The following DENND4C variants were observed in gnomAD, a reference collection of about 807,000 sequenced individuals.
DENND4C encodes the protein DENN domain containing 4C, also known as DENN domain-containing protein 4C.
A neutral mutation model predicts 203.0 loss-of-function variants in DENND4C; 108 were observed. The observed-to-expected ratio is 0.53, with a 90% confidence interval of 0.46 to 0.62. The LOEUF (loss-of-function observed/expected upper bound fraction) is 0.62. Ranked by LOEUF, DENND4C falls within the 20% of genes least tolerant of loss-of-function variation. The pLI is 0.00. For missense variants in DENND4C, 2,481 were observed against 2,301.2 expected, an observed-to-expected ratio of 1.08 and a Z score of -1.60; for synonymous variants, 871 against 792.4, an observed-to-expected ratio of 1.10 and a Z score of -1.67.
chr9:19,310,197 C>A (rs916410190), intron 10 of DENND4C, among the ~76,000 whole-genome samples: 2 of 152,148 alleles, frequency 1.3e-5, no homozygotes, highest in African/African-American at 4.8e-5. Context: ...CTATAAACAT[C>A]ACATTTCTCT....
At chr9:19,251,334 C>A (rs1020930405) in intron 1 of DENND4C, among the ~76,000 whole-genome samples, 52 of 152,192 alleles carry the variant, frequency 3.4e-4, no homozygotes, top group Non-Finnish European at 6.0e-4. Context: ...GCACCAAGTC[C>A]CTAGGCTGCA....
rs1832916682 is a variant in DENND4C, at chr9:19,276,492, C to A, written c.305+13C>A. The A allele has an allele frequency of 4.1e-6, 5 of 1,229,360 alleles. No homozygotes were observed. Among genetic ancestry groups the A allele is most frequent in the Non-Finnish European group, 4.1e-6 (4 of 985,646 alleles). The allele number at this position is 1,229,360 out of a possible 1,614,324, so 76.2% of individuals were successfully genotyped here. On this transcript the variant is annotated intron_variant, in intron 2 of 32. Coordinates refer to ENST00000434457, the MANE Select transcript of DENND4C (RefSeq NM_001330640.2). ...TTACAGATATTGGGTATGGTGACTT[C>A]TTTTCTTTGCTATAGTGAAGGAGTA...
intron 12 of DENND4C, among the ~76,000 whole-genome samples, chr9:19,319,175 AT>A (rs1396969753): frequency 2.2e-4 from 33 of 148,724 alleles, no homozygotes; most frequent in African/African-American, 6.9e-4. Flanking sequence ...AAAAAAAAAA[AT>A]ATATGTATAT....
At chr9:19,295,775 T>C (rs1588864661) in intron 5 of DENND4C, among the ~76,000 whole-genome samples, 1 of 152,094 alleles carries the variant, frequency 6.6e-6, no homozygotes, top group Non-Finnish European at 1.5e-5. Context: ...TTACCATCCA[T>C]TTTTGTATAA....
chr9:19,341,959 C>G (rs1471086745), intron 21 of DENND4C, among the ~76,000 whole-genome samples: 1 of 152,000 alleles, frequency 6.6e-6, no homozygotes, highest in African/African-American at 2.4e-5. Flanking sequence ...CCCGTCTCTA[C>G]TAAAAATACA....
intron 10 of DENND4C, among the ~76,000 whole-genome samples, chr9:19,307,117 C>G (rs890340838): frequency 1.3e-5 from 2 of 151,914 alleles, no homozygotes; most frequent in Non-Finnish European, 2.9e-5. Flanking sequence ...ATAAAATGTG[C>G]CCAGGTGTAG....
intron 2 of DENND4C, among the ~76,000 whole-genome samples, chr9:19,286,102 A>C (rs187921074): frequency 6.6e-6 from 1 of 152,196 alleles, no homozygotes; most frequent in African/African-American, 2.4e-5. Context: ...GTATTGCCAA[A>C]GGCAGCTGGA....
At chr9:19,245,429 T>C (rs1023647848) in intron 1 of DENND4C, among the ~76,000 whole-genome samples, 16 of 145,770 alleles carry the variant, frequency 1.1e-4, no homozygotes, top group Middle Eastern at 3.6e-3. Context: ...ATGGCGCTAC[T>C]GCACTCCTGC....
intron 1 of DENND4C, among the ~76,000 whole-genome samples, chr9:19,231,244 G>C (rs1418290937): frequency 6.6e-6 from 1 of 152,186 alleles, no homozygotes; most frequent in African/African-American, 2.4e-5. Context: ...TCGAGGCTGA[G>C]AGAGCGGAGA....
chr9:19,266,827 C>G (rs998212413), intron 1 of DENND4C, among the ~76,000 whole-genome samples: 1 of 152,128 alleles, frequency 6.6e-6, no homozygotes, highest in East Asian at 1.9e-4. Context: ...AAAATTAATT[C>G]AAGATGGATT....
intron 10 of DENND4C, among the ~76,000 whole-genome samples, chr9:19,312,568 G>A (rs1050994604): frequency 6.6e-6 from 1 of 152,196 alleles, no homozygotes; most frequent in African/African-American, 2.4e-5. Flanking sequence ...TGTATTATGG[G>A]GGTGAGGGAG....
intron 27 of DENND4C, chr9:19,357,648 C>T (rs551953951): frequency 8.6e-5 from 21 of 244,418 alleles, no homozygotes; most frequent in African/African-American, 4.0e-4. Flanking sequence ...TAGCATACTT[C>T]TAGGTAATTT....
chr9:19,287,131 C>T (rs1023298477), intron 3 of DENND4C, 110 bp downstream of exon 3: 1 of 990,308 alleles, frequency 1.0e-6, no homozygotes, highest in Non-Finnish European at 1.3e-6. Flanking sequence ...TTTCATGATG[C>T]TTGTTTTTAT....
chr9:19,243,471 T>C (rs1481099591), intron 1 of DENND4C, among the ~76,000 whole-genome samples: 1 of 152,178 alleles, frequency 6.6e-6, no homozygotes, highest in Non-Finnish European at 1.5e-5. Flanking sequence ...CCCAAACGTT[T>C]TCATCATCCT....
chr9:19,286,898 G>T lies in DENND4C; in HGVS notation c.435G>T (p.Arg145Ser). 8.1e-7 allele frequency: 1 copy of T among 1,232,008 alleles called. No homozygotes were observed. The highest frequency in any genetic ancestry group is 1.0e-6 in the Non-Finnish European group (1 of 987,954). 76.3% of individuals were successfully genotyped at this position (1,232,008 alleles called of 1,614,324 possible). A position where few individuals can be genotyped will look rare whatever the true frequency, so the allele number is the denominator to read the frequency against. The change falls in exon 3 of 33, where the codon AGG becomes AGT. Residue 145 changes from arginine to serine, a missense_variant. By Grantham distance (110) the Arg-to-Ser change is moderately radical. Around this residue, in one of 3 missense-constraint regions of DENND4C, gnomAD observed 187 missense variants for 167.4 expected, o/e 1.12. Coordinates refer to ENST00000434457, the MANE Select transcript of DENND4C (RefSeq NM_001330640.2). ...AAAGAATCTTTATCACTTATCGAAG[G>T]GCTCCTCCAGTTCGACCCCAGAATT... is the stretch of plus-strand genomic sequence containing the variant. ...TSQRIFITYR[R>S]APPVRPQNSL...
intron 10 of DENND4C, among the ~76,000 whole-genome samples, chr9:19,313,267 TC>T (rs1402657850): frequency 6.6e-6 from 1 of 152,324 alleles, no homozygotes; most frequent in African/African-American, 2.4e-5. Context: ...GGCAATATCC[TC>T]TTACTCTAAT....
At chr9:19,245,915 C>T (rs182079385) in intron 1 of DENND4C, among the ~76,000 whole-genome samples, 1 of 151,456 alleles carries the variant, frequency 6.6e-6, no homozygotes, top group Non-Finnish European at 1.5e-5. Flanking sequence ...TTTCTACTAA[C>T]TCACATACTC....
Position 19,342,621 on chromosome 9 carries a change from A to T in DENND4C, c.3005-12A>T. On this transcript the variant is annotated splice_polypyrimidine_tract_variant and intron_variant, in intron 21 of 32. Transcript: ENST00000434457. Reference sequence around the variant, plus strand: ...AAAGTAGGAATGATAACATCCAAATATTTTTTTCCAGAGGTGTGTGATGCC... The same window carrying T: ...AAAGTAGGAATGATAACATCCAAATTTTTTTTTCCAGAGGTGTGTGATGCC... 2 of 1,578,506 alleles carry T rather than the reference A, an allele frequency of 1.3e-6. No individual in the cohort carries two copies. Among genetic ancestry groups the T allele is most frequent in the Non-Finnish European group, 1.7e-6 (2 of 1,166,636 alleles).
chr9:19,243,878 C>T (rs1272224715), intron 1 of DENND4C, among the ~76,000 whole-genome samples: 1 of 152,168 alleles, frequency 6.6e-6, no homozygotes, highest in Non-Finnish European at 1.5e-5. Flanking sequence ...GTGGCACAGT[C>T]GTCGCTCACT....
Sources: allele counts gnomAD v4.1 joint callset (sites outside exome capture counted in the v4.1 genomes callset), GRCh38; gene constraint gnomAD v4.1.1; regional missense constraint gnomAD v4.1.1; transcripts MANE v1.5; gene names NCBI Gene and HGNC (gene_info 2026-07-23, HGNC 2026-07-21).